NRXN3: variants seen among roughly 807,000 people sequenced by gnomAD.
NRXN3 encodes neurexin 3.
Under a neutral mutation model 137.6 loss-of-function variants are expected in NRXN3, and 32 were observed. The ratio of observed to expected loss-of-function variants is 0.23; its 90% CI spans 0.18 to 0.31. The LOEUF is 0.31. Among genes scored for constraint, NRXN3 ranks in the 10% least tolerant of loss-of-function variants. NRXN3 has a pLI of 1.00. For synonymous variants in NRXN3, 798 were observed against 784.5 expected (o/e 1.02, Z -0.29); for missense variants, 1,574 against 2,062.5 (o/e 0.76, Z 4.59).
At chr14:79,599,397 T>C in intron 16 of NRXN3, among the ~76,000 whole-genome samples, 1 of 152,254 alleles carries the variant, frequency 6.6e-6, no homozygotes, top group East Asian at 1.9e-4. Flanking sequence ...TACCTTGTTC[T>C]ACTTTCTCTG....
intron 4 of NRXN3, among the ~76,000 whole-genome samples, chr14:78,598,743 G>A (rs573119575): frequency 6.6e-6 from 1 of 152,220 alleles, no homozygotes; most frequent in Non-Finnish European, 1.5e-5. Flanking sequence ...CAATATCTCG[G>A]TAATTGGCTA....
At chr14:79,245,940 C>G (rs1394180281) in intron 15 of NRXN3, among the ~76,000 whole-genome samples, 1 of 152,062 alleles carries the variant, frequency 6.6e-6, no homozygotes, top group Non-Finnish European at 1.5e-5. Flanking sequence ...GGTCATAGGT[C>G]CTTAGATTCT....
At chr14:79,687,604 A>G (rs1248152911) in intron 17 of NRXN3, among the ~76,000 whole-genome samples, 1 of 152,202 alleles carries the variant, frequency 6.6e-6, no homozygotes, top group African/African-American at 2.4e-5. Context: ...TTCAGGGCTC[A>G]AGACAAAATT....
chr14:78,567,192 T>C (rs2041678561), intron 4 of NRXN3, among the ~76,000 whole-genome samples: 1 of 152,130 alleles, frequency 6.6e-6, no homozygotes, highest in Admixed American at 6.5e-5. Flanking sequence ...AAAGGAACCA[T>C]CATAGAATGG....
chr14:79,151,786 G>A (rs373980063), intron 15 of NRXN3, among the ~76,000 whole-genome samples: 2 of 151,966 alleles, frequency 1.3e-5, no homozygotes, highest in African/African-American at 4.8e-5. Context: ...TTGTCCCAGA[G>A]TGCACAGACT....
At chr14:79,388,955 G>A (rs950449904) in intron 15 of NRXN3, among the ~76,000 whole-genome samples, 5 of 152,128 alleles carry the variant, frequency 3.3e-5, no homozygotes, top group Non-Finnish European at 7.4e-5. Context: ...CTGCAACCAC[G>A]TAGGTTATGC....
chr14:79,655,770 G>C (rs2098502626), intron 16 of NRXN3, among the ~76,000 whole-genome samples: 1 of 152,100 alleles, frequency 6.6e-6, no homozygotes, highest in African/African-American at 2.4e-5. Context: ...CTTCAGTTGT[G>C]ACAGCCAAAA....
chr14:79,354,919 G>A lies in NRXN3; in HGVS notation c.3263-112302G>A, dbSNP rs10150816. On this transcript the variant is annotated intron_variant, in intron 15 of 20. Transcript: ENST00000335750. ...TGTGAGAGATGAATGGTGATATTTG[G>A]CTTTTGCTTCCCAAGTATAGGTCGT... Among the ~76,000 whole-genome samples the A allele has an allele frequency of 2.5e-3, 380 of 152,230 alleles. 2 individuals carry two copies. Among genetic ancestry groups the A allele is most frequent in the African/African-American group, 8.9e-3 (369 of 41,552 alleles).
chr14:79,420,503 C>CA (rs1600046435), intron 15 of NRXN3, among the ~76,000 whole-genome samples: 1 of 152,042 alleles, frequency 6.6e-6, no homozygotes, highest in African/African-American at 2.4e-5. Flanking sequence ...TCAACTGCCC[C>CA]AAAAAGTAGC....
intron 15 of NRXN3, among the ~76,000 whole-genome samples, chr14:79,270,898 T>A (rs1160430324): frequency 6.6e-6 from 1 of 152,236 alleles, no homozygotes; most frequent in African/African-American, 2.4e-5. Flanking sequence ...TCAATACTAC[T>A]GAGAAATGCC....
chr14:78,400,132 T>C (rs1212840127), intron 4 of NRXN3, among the ~76,000 whole-genome samples: 1 of 152,222 alleles, frequency 6.6e-6, no homozygotes, highest in African/African-American at 2.4e-5. Context: ...AAGGGGATGA[T>C]GCAGCCATGG....
intron 17 of NRXN3, among the ~76,000 whole-genome samples, chr14:79,680,816 A>G (rs1421720011): frequency 6.6e-6 from 1 of 152,090 alleles, no homozygotes; most frequent in Non-Finnish European, 1.5e-5. Flanking sequence ...TGCTGTTCCT[A>G]GAGATCTTCC....
intron 16 of NRXN3, among the ~76,000 whole-genome samples, chr14:79,585,688 A>AAAAC (rs1305957651): frequency 5.1e-5 from 6 of 117,960 alleles, no homozygotes; most frequent in Admixed American, 1.7e-4. Flanking sequence ...CATCTTAAAA[A>AAAAC]AAAAACAAAA....
intron 15 of NRXN3, among the ~76,000 whole-genome samples, chr14:79,080,422 C>G (rs2046753478): frequency 2.0e-5 from 3 of 152,204 alleles, no homozygotes; most frequent in South Asian, 2.1e-4. Flanking sequence ...ATTGTTTTAC[C>G]ATAGATGGAG....
chr14:79,066,888 G>A (rs2099681459), intron 15 of NRXN3, among the ~76,000 whole-genome samples: 2 of 152,052 alleles, frequency 1.3e-5, no homozygotes, highest in Admixed American at 6.6e-5. Context: ...GGTTTTCTGG[G>A]TGTAGGATCA....
At chr14:78,956,996 A>G (rs939715358) in intron 10 of NRXN3, among the ~76,000 whole-genome samples, 1 of 152,238 alleles carries the variant, frequency 6.6e-6, no homozygotes, top group Non-Finnish European at 1.5e-5. Flanking sequence ...CCTTATATCT[A>G]AGATAAAAGA....
intron 15 of NRXN3, among the ~76,000 whole-genome samples, chr14:79,032,812 CCT>C (rs2099610144): frequency 6.6e-6 from 1 of 152,094 alleles, no homozygotes; most frequent in Non-Finnish European, 1.5e-5. Context: ...ATCCTAATTT[CCT>C]CTCTTATCTA....
intron 15 of NRXN3, chr14:79,279,954 G>T (rs950812424): frequency 2.6e-6 from 3 of 1,133,040 alleles, no homozygotes; most frequent in Non-Finnish European, 3.3e-6. Flanking sequence ...GACTCGAAGT[G>T]CCTAGAGATC....
At chr14:78,872,950 CT>C (rs2099105086) in intron 10 of NRXN3, among the ~76,000 whole-genome samples, 1 of 152,164 alleles carries the variant, frequency 6.6e-6, no homozygotes, top group South Asian at 2.1e-4. Flanking sequence ...CAATGCTCTT[CT>C]TAAACAGATT....
Sources: gnomAD v4.1 joint callset for allele counts (sites outside exome capture counted in the v4.1 genomes callset) on GRCh38, gnomAD v4.1.1 for gene constraint, MANE v1.5 for transcripts, NCBI Gene and HGNC (gene_info 2026-07-23, HGNC 2026-07-21) for gene names.